REV3L: variants seen among roughly 807,000 people sequenced by gnomAD.
REV3L encodes DNA polymerase zeta catalytic subunit.
REV3L carries 69 observed loss-of-function variants against 299.4 expected under a neutral mutation model. That is an observed-to-expected ratio of 0.23 (90% CI 0.19 to 0.28). The LOEUF (loss-of-function observed/expected upper bound fraction) is 0.28. Ranked by LOEUF, REV3L falls within the 10% of genes least tolerant of loss-of-function variation. The pLI is 1.00. For synonymous variants in REV3L, 1,238 were observed against 1,271.4 expected (o/e 0.97, Z 0.56); for missense variants, 3,128 against 3,693.8 (o/e 0.85, Z 3.97).
At chr6:111,388,180 CCTAT>C (rs1271135381) in intron 7 of REV3L, 95 bp from the exon 8 acceptor site, 6 of 776,330 alleles carry the variant, frequency 7.7e-6, no homozygotes, top group Admixed American at 7.3e-5. Context: ...GTGGCAATTT[CCTAT>C]CTTTCTCTAG....
chr6:111,414,435 T>C (rs528413677), intron 2 of REV3L, among the ~76,000 whole-genome samples: 26 of 152,270 alleles, frequency 1.7e-4, no homozygotes, highest in African/African-American at 4.6e-4. Flanking sequence ...TGAGGTCACA[T>C]AGGTTATGGC....
chr6:111,361,558 T>C (rs1183851250), intron 16 of REV3L: 1 of 152,082 alleles, frequency 6.6e-6, no homozygotes, highest in African/African-American at 2.4e-5. Flanking sequence ...AAAATTTGCA[T>C]TTCTATTCCT....
chr6:111,303,582 GTCTCAAACTCCTGCCC>G (rs1771864675), intron 31 of REV3L, among the ~76,000 whole-genome samples: 1 of 147,446 alleles, frequency 6.8e-6, no homozygotes, highest in Non-Finnish European at 1.5e-5. Context: ...GGCCAGGCTG[GTCTCAAACTCCTGCCC>G]TCAAGTGATC....
intron 25 of REV3L, among the ~76,000 whole-genome samples, chr6:111,327,453 C>A (rs1180860237): frequency 6.6e-6 from 1 of 151,022 alleles, no homozygotes; most frequent in Admixed American, 6.6e-5. Context: ...TACTTGGAGG[C>A]AGAGGTGGGA....
intron 15 of REV3L, 24 bp from the exon 16 acceptor site, chr6:111,364,002 C>T: frequency 6.3e-7 from 1 of 1,589,682 alleles, no homozygotes; most frequent in Non-Finnish European, 8.5e-7. Context: ...CACACACACA[C>T]ACAGCCAGAA....
chr6:111,474,475 G>A (rs1792660142), intron 1 of REV3L, among the ~76,000 whole-genome samples: 1 of 152,174 alleles, frequency 6.6e-6, no homozygotes, highest in African/African-American at 2.4e-5. Context: ...CACTGTGGCT[G>A]GCTGCTGAAG....
At chr6:111,391,391 G>C (rs1390539705) in intron 5 of REV3L, among the ~76,000 whole-genome samples, 1 of 152,062 alleles carries the variant, frequency 6.6e-6, no homozygotes, top group African/African-American at 2.4e-5. Context: ...AATGTTTTAA[G>C]AAAAACATGT....
At chr6:111,369,656 TATA>T (rs1373982078) in intron 13 of REV3L, among the ~76,000 whole-genome samples, 1 of 152,142 alleles carries the variant, frequency 6.6e-6, no homozygotes, top group African/African-American at 2.4e-5. Flanking sequence ...AAAATTTGGA[TATA>T]ATACTGTGAC....
chr6:111,446,318 G>C (rs1358677594), intron 1 of REV3L, among the ~76,000 whole-genome samples: 1 of 152,164 alleles, frequency 6.6e-6, no homozygotes, highest in Non-Finnish European at 1.5e-5. Flanking sequence ...CTGGATTGTT[G>C]AGAATAAAGG....
intron 25 of REV3L, among the ~76,000 whole-genome samples, chr6:111,327,422 G>A (rs1774948732): frequency 6.6e-6 from 1 of 152,056 alleles, no homozygotes; most frequent in Non-Finnish European, 1.5e-5. Flanking sequence ...GGGCATAGAG[G>A]TAAGCACCTG....
chr6:111,406,961 TAAAG>T (rs911484210), intron 3 of REV3L, among the ~76,000 whole-genome samples: 4 of 152,164 alleles, frequency 2.6e-5, no homozygotes, highest in Non-Finnish European at 4.4e-5. Flanking sequence ...ATTTTATAAA[TAAAG>T]AAATTATCTT....
intron 13 of REV3L, among the ~76,000 whole-genome samples, chr6:111,370,713 ATTTTAACAGCTT>A (rs1779716615): frequency 6.6e-6 from 1 of 152,232 alleles, no homozygotes; most frequent in Admixed American, 6.5e-5. Flanking sequence ...TTAAAAAGAT[ATTTTAACAGCTT>A]TAGGTTGACA....
At chr6:111,392,694 G>T (rs576903393) in intron 5 of REV3L, 182 bp downstream of exon 5, 32 of 460,526 alleles carry the variant, frequency 6.9e-5, no homozygotes, top group African/African-American at 4.7e-4. Flanking sequence ...CATTTTCATG[G>T]TTTGTTTTTA....
At chr6:111,361,849 C>A (rs1435667827) in intron 16 of REV3L, among the ~76,000 whole-genome samples, 1 of 152,054 alleles carries the variant, frequency 6.6e-6, no homozygotes, top group Non-Finnish European at 1.5e-5. Flanking sequence ...TTTCAACCAC[C>A]GGGCGGCAGT....
At chr6:111,415,934 G>T (rs190034204) in intron 2 of REV3L, among the ~76,000 whole-genome samples, 1 of 152,274 alleles carries the variant, frequency 6.6e-6, no homozygotes, top group Admixed American at 6.5e-5. Context: ...ACTTCCACAT[G>T]GGCAGGGCTC....
At chr6:111,451,058 C>G (rs750244858) in intron 1 of REV3L, among the ~76,000 whole-genome samples, 4 of 152,118 alleles carry the variant, frequency 2.6e-5, no homozygotes, top group Non-Finnish European at 5.9e-5. Context: ...CACAGTTCTT[C>G]ATGAAGTGTA....
At chr6:111,479,509 CTT>C (rs397758175) in intron 1 of REV3L, among the ~76,000 whole-genome samples, 18 of 130,046 alleles carry the variant, frequency 1.4e-4, no homozygotes, top group Admixed American at 2.4e-4. Flanking sequence ...CCCCCCCCGC[CTT>C]TTTTTTTTTT....
intron 2 of REV3L, among the ~76,000 whole-genome samples, chr6:111,414,727 C>T (rs1313939270): frequency 2.0e-5 from 3 of 152,064 alleles, no homozygotes; most frequent in Admixed American, 6.5e-5. Flanking sequence ...CTCTACCTTC[C>T]GTCTTCCTAG....
chr6:111,335,988 T>C (rs1227079618), intron 21 of REV3L, among the ~76,000 whole-genome samples: 4 of 151,778 alleles, frequency 2.6e-5, no homozygotes, highest in Admixed American at 6.6e-5. Flanking sequence ...ATCATATCTA[T>C]AGATTTTTAA....
Sources: allele counts gnomAD v4.1 joint callset (sites outside exome capture counted in the v4.1 genomes callset), GRCh38; gene constraint gnomAD v4.1.1; transcripts MANE v1.5; gene names NCBI Gene and HGNC (gene_info 2026-07-23, HGNC 2026-07-21).